The following FKBP5 variants were observed in gnomAD, a reference collection of about 807,000 sequenced individuals.
The protein encoded by FKBP5 is FKBP prolyl isomerase 5, also known as peptidyl-prolyl cis-trans isomerase FKBP5.
FKBP5 carries 23 observed loss-of-function variants against 50.5 expected under a neutral mutation model. The ratio of observed to expected loss-of-function variants is 0.46; its 90% CI spans 0.33 to 0.65. The LOEUF (loss-of-function observed/expected upper bound fraction) is 0.65, where lower values mean the gene tolerates loss of function less well. Ranked by LOEUF, FKBP5 falls within the 30% of genes least tolerant of loss-of-function variation. The pLI is 0.02. For synonymous variants in FKBP5, 176 were observed against 190.6 expected (o/e 0.92, Z 0.63); for missense variants, 411 against 553.1 (o/e 0.74, Z 2.58).
At chr6:35,637,255 G>T in intron 2 of FKBP5, 97 bp from the exon 3 acceptor site, 2 of 1,040,464 alleles carry the variant, frequency 1.9e-6, no homozygotes, top group Non-Finnish European at 2.8e-6. Flanking sequence ...CATCCAGGCA[G>T]ATATGCAAAT....
intron 2 of FKBP5, among the ~76,000 whole-genome samples, chr6:35,705,240 ATATATATATATATATATATTT>A (rs1429216586): frequency 9.1e-4 from 32 of 35,082 alleles, no homozygotes; most frequent in East Asian, 6.4e-3. Flanking sequence ...ATATATATAT[ATATATATATATATATATATTT>A]TTTTTTTTTT....
chr6:35,612,474 T>C (rs945816161), intron 5 of FKBP5, among the ~76,000 whole-genome samples: 1 of 152,172 alleles, frequency 6.6e-6, no homozygotes, highest in African/African-American at 2.4e-5. Context: ...ACACAATATA[T>C]AGGGTAGAAG....
chr6:35,672,938 A>AG (rs975647391), intron 1 of FKBP5, among the ~76,000 whole-genome samples: 1 of 152,104 alleles, frequency 6.6e-6, no homozygotes, highest in Admixed American at 6.5e-5. Context: ...TCAAAAAAAA[A>AG]AAAGAAAAAA....
chr6:35,672,523 C>A (rs2151005439), intron 1 of FKBP5, among the ~76,000 whole-genome samples: 1 of 149,782 alleles, frequency 6.7e-6, no homozygotes, highest in South Asian at 2.1e-4. Flanking sequence ...TCTACGACAT[C>A]TTTATGCATC....
chr6:35,656,623 C>T, intron 1 of FKBP5, among the ~76,000 whole-genome samples: 1 of 152,218 alleles, frequency 6.6e-6, no homozygotes, highest in East Asian at 1.9e-4. Context: ...GGCAAAGTGG[C>T]TCATGCCTGT....
At chr6:35,619,017 ATT>A in intron 5 of FKBP5, 77 bp downstream of exon 5, 1 of 929,082 alleles carries the variant, frequency 1.1e-6, no homozygotes, top group Non-Finnish European at 1.7e-6. Flanking sequence ...TTCTACAAAC[ATT>A]TTTTTTTAAG....
chr6:35,659,800 AATTTCATTGTTCT>A lies in FKBP5; in HGVS notation c.-19-16970_-19-16958del, dbSNP rs1352059105. ...TGATTAGTCAGGTTAGAGTTTTATC[AATTTCATTGTTCT>A]CAAAGAACCAGCTTTTGATTTCACT... On this transcript the variant is annotated intron_variant, in intron 1 of 10. Coordinates refer to ENST00000357266, the MANE Select transcript of FKBP5 (RefSeq NM_004117.4). 8.3e-5 allele frequency among the ~76,000 whole-genome samples: 7 copies of A among 84,412 alleles called. 2 individuals carry two copies. Among genetic ancestry groups the A allele is most frequent in the Non-Finnish European group, 1.9e-4 (7 of 36,558 alleles). The allele number at this position is 84,412 out of a possible 152,430, so 55.4% of individuals were successfully genotyped here.
intron 2 of FKBP5, among the ~76,000 whole-genome samples, chr6:35,718,625 A>G (rs1766553512): frequency 6.6e-6 from 1 of 152,036 alleles, no homozygotes; most frequent in South Asian, 2.1e-4. Context: ...CCCAATTCGG[A>G]CTCCATAGCA....
intron 6 of FKBP5, among the ~76,000 whole-genome samples, chr6:35,596,929 A>C (rs1021336785): frequency 4.6e-5 from 7 of 152,156 alleles, no homozygotes; most frequent in African/African-American, 1.7e-4. Context: ...AGAAAAGGGA[A>C]GAGGGGGTAA....
chr6:35,646,801 T>C (rs962245521), intron 1 of FKBP5, among the ~76,000 whole-genome samples: 2 of 152,202 alleles, frequency 1.3e-5, no homozygotes, highest in African/African-American at 2.4e-5. Context: ...CGTTCTGTTA[T>C]GGACATGGCA....
intron 6 of FKBP5, among the ~76,000 whole-genome samples, chr6:35,595,772 G>A (rs1762967129): frequency 6.6e-6 from 1 of 151,852 alleles, no homozygotes; most frequent in Non-Finnish European, 1.5e-5. Context: ...AGTAATTAGA[G>A]ATTATTTGGA....
At chr6:35,722,888 C>A (rs1292445720) in intron 1 of FKBP5, among the ~76,000 whole-genome samples, 1 of 152,222 alleles carries the variant, frequency 6.6e-6, no homozygotes, top group Non-Finnish European at 1.5e-5. Flanking sequence ...GGTTTTGTGT[C>A]CCCAGTTTGT....
intron 2 of FKBP5, among the ~76,000 whole-genome samples, chr6:35,707,546 T>C (rs1766342320): frequency 6.6e-6 from 1 of 152,096 alleles, no homozygotes; most frequent in East Asian, 1.9e-4. Context: ...ACCTAACTTG[T>C]TTTTTTAACT....
At chr6:35,649,398 G>A (rs554606699) in intron 1 of FKBP5, among the ~76,000 whole-genome samples, 1 of 151,410 alleles carries the variant, frequency 6.6e-6, no homozygotes. Context: ...AGAATAAAAT[G>A]GAGCATTTCT....
chr6:35,712,773 T>C (rs1766436905), intron 2 of FKBP5, among the ~76,000 whole-genome samples: 1 of 152,194 alleles, frequency 6.6e-6, no homozygotes. Context: ...CCTTGTCTTC[T>C]GAGACTCACT....
chr6:35,600,866 A>G (rs1462490018), intron 5 of FKBP5, among the ~76,000 whole-genome samples: 1 of 152,224 alleles, frequency 6.6e-6, no homozygotes, highest in Admixed American at 6.5e-5. Flanking sequence ...TTGATATTAA[A>G]ATTAAATGAG....
chr6:35,618,948 G>A (rs1460000462), intron 5 of FKBP5, 148 bp downstream of exon 5: 5 of 584,286 alleles, frequency 8.6e-6, no homozygotes, highest in Non-Finnish European at 1.2e-5. Context: ...CACCCGCCTC[G>A]ACCTCCCAAA....
At chr6:35,682,912 A>G (rs1327476542) in intron 1 of FKBP5, among the ~76,000 whole-genome samples, 3 of 150,704 alleles carry the variant, frequency 2.0e-5, no homozygotes, top group Non-Finnish European at 3.0e-5. Flanking sequence ...TTTTAAAAAA[A>G]AAAAAAAAGA....
intron 3 of FKBP5, 39 bp downstream of exon 3, chr6:35,636,975 A>C: frequency 6.5e-7 from 1 of 1,547,300 alleles, no homozygotes; most frequent in Non-Finnish European, 8.7e-7. Context: ...AATAGTAATA[A>C]AGCTAAGTAA....
Sources: allele counts gnomAD v4.1 joint callset (sites outside exome capture counted in the v4.1 genomes callset), GRCh38; gene constraint gnomAD v4.1.1; transcripts MANE v1.5; gene names NCBI Gene and HGNC (gene_info 2026-07-23, HGNC 2026-07-21).